The following NCK2 variants were observed in gnomAD, a reference collection of about 807,000 sequenced individuals.
The protein encoded by NCK2 is NCK adaptor protein 2, also known as cytoplasmic protein NCK2.
A neutral mutation model predicts 33.9 loss-of-function variants in NCK2; 16 were observed. That is an observed-to-expected ratio of 0.47 (90% CI 0.32 to 0.72). NCK2 has a LOEUF of 0.72. Ranked by LOEUF, NCK2 falls within the 30% of genes least tolerant of loss-of-function variation. The probability of loss-of-function intolerance (pLI) is 0.03; values close to 1 mark genes in which losing one functional copy is unlikely to be tolerated. For missense variants in NCK2, 418 were observed against 537.3 expected, an observed-to-expected ratio of 0.78 and a Z score of 2.19; for synonymous variants, 273 against 239.9, an observed-to-expected ratio of 1.14 and a Z score of -1.27.
chr2:105,889,448 A>G (rs1013115270), intron 4 of NCK2, among the ~76,000 whole-genome samples: 2 of 152,156 alleles, frequency 1.3e-5, no homozygotes, highest in Admixed American at 6.5e-5. Context: ...CTCAAACTGC[A>G]TCAGAGTCCC....
At chr2:105,796,784 G>T (rs1170054055) in intron 1 of NCK2, among the ~76,000 whole-genome samples, 2 of 151,976 alleles carry the variant, frequency 1.3e-5, no homozygotes, top group Non-Finnish European at 2.9e-5. Flanking sequence ...TCTCTTTGAC[G>T]CAGGTAAATG....
intron 4 of NCK2, among the ~76,000 whole-genome samples, chr2:105,889,589 T>TAA (rs1461543488): frequency 2.1e-5 from 3 of 145,738 alleles, no homozygotes; most frequent in Admixed American, 6.7e-5. Context: ...TTTTTTTTTT[T>TAA]TTTAATTATT....
chr2:105,815,988 C>T (rs1675466899), intron 1 of NCK2, among the ~76,000 whole-genome samples: 1 of 152,192 alleles, frequency 6.6e-6, no homozygotes, highest in South Asian at 2.1e-4. Context: ...CACCTCCTTC[C>T]ACCTGCTGTT....
chr2:105,884,097 G>C (rs373717589), intron 4 of NCK2, among the ~76,000 whole-genome samples: 2 of 152,294 alleles, frequency 1.3e-5, no homozygotes, highest in East Asian at 3.9e-4. Context: ...AGGTGTGTGT[G>C]TGGCTTCTTT....
chr2:105,889,533 T>C (rs921300539), intron 4 of NCK2, among the ~76,000 whole-genome samples: 1 of 151,834 alleles, frequency 6.6e-6, no homozygotes, highest in Admixed American at 6.6e-5. Flanking sequence ...GAATTTCTGC[T>C]ACAGCAGGGT....
intron 2 of NCK2, among the ~76,000 whole-genome samples, chr2:105,849,244 A>G (rs1016714545): frequency 2.0e-5 from 3 of 152,140 alleles, no homozygotes; most frequent in Middle Eastern, 3.2e-3. Flanking sequence ...AAAGTAAAAA[A>G]CTAGCAGGGC....
At chr2:105,807,866 C>T (rs1230938501) in intron 1 of NCK2, among the ~76,000 whole-genome samples, 1 of 83,102 alleles carries the variant, frequency 1.2e-5, no homozygotes, top group Non-Finnish European at 2.3e-5. Context: ...TCCCTTCTCT[C>T]TATCTCTCCC....
At chr2:105,832,024 C>A (rs957631298) in intron 2 of NCK2, among the ~76,000 whole-genome samples, 1 of 151,926 alleles carries the variant, frequency 6.6e-6, no homozygotes, top group Non-Finnish European at 1.5e-5. Flanking sequence ...TTGTTTATGT[C>A]CTCTTCAATT....
At chr2:105,826,457 G>A (rs530485206) in intron 2 of NCK2, among the ~76,000 whole-genome samples, 201 of 152,278 alleles carry the variant, frequency 1.3e-3, no homozygotes, top group Middle Eastern at 3.4e-3. Flanking sequence ...TAGTGTGGAT[G>A]ATATGTTAGT....
At chr2:105,748,129 T>C (rs1689347557) in intron 1 of NCK2, among the ~76,000 whole-genome samples, 2 of 152,164 alleles carry the variant, frequency 1.3e-5, no homozygotes, top group Non-Finnish European at 1.5e-5. Context: ...ATGAAAGTTA[T>C]TTTGATTGAG....
At chr2:105,765,786 G>GGGGT (rs1553451276) in intron 1 of NCK2, among the ~76,000 whole-genome samples, 7 of 147,220 alleles carry the variant, frequency 4.8e-5, no homozygotes, top group African/African-American at 1.5e-4. Flanking sequence ...TAGAATAGGG[G>GGGGT]GTGTGTGTGT....
intron 3 of NCK2, among the ~76,000 whole-genome samples, chr2:105,872,161 G>A (rs749516650): frequency 6.6e-6 from 1 of 152,194 alleles, no homozygotes; most frequent in African/African-American, 2.4e-5. Context: ...TGCTCGACAC[G>A]TTTCTGCCAG....
At chr2:105,790,980 G>A (rs995391511) in intron 1 of NCK2, among the ~76,000 whole-genome samples, 15 of 152,132 alleles carry the variant, frequency 9.9e-5, no homozygotes, top group South Asian at 2.1e-4. Flanking sequence ...AGTGCTCCTC[G>A]TGTTAGAACC....
At chr2:105,892,945 G>C in intron 4 of NCK2, 37 bp from the exon 5 acceptor site, 1 of 1,567,426 alleles carries the variant, frequency 6.4e-7, no homozygotes, top group Non-Finnish European at 8.7e-7. Flanking sequence ...GCTCCCCGCT[G>C]TGGCCCGGCT....
intron 3 of NCK2, among the ~76,000 whole-genome samples, chr2:105,867,169 T>C (rs1430720186): frequency 6.6e-6 from 1 of 152,230 alleles, no homozygotes; most frequent in Non-Finnish European, 1.5e-5. Context: ...TTTTAAATGT[T>C]CCGCTTCTCC....
chr2:105,860,874 A>T (rs1487574201), intron 3 of NCK2, among the ~76,000 whole-genome samples: 1 of 149,380 alleles, frequency 6.7e-6, no homozygotes, highest in Non-Finnish European at 1.5e-5. Flanking sequence ...GGCACACGAG[A>T]TGGGGAATTT....
rs766753457 is a variant in NCK2 at position 105,855,236 on chromosome 2, G to A, written c.173G>A (p.Arg58Gln). 11 of 1,613,254 alleles carry A rather than the reference G, an allele frequency of 6.8e-6. No homozygotes were observed. The highest frequency in any genetic ancestry group is 2.2e-5 in the South Asian group (2 of 90,872). Residue 58 changes from arginine (R) to glutamine (Q), a missense_variant, in exon 3 of 5, where the codon CGG becomes CAG. Arg to Gln is a conservative substitution (Grantham distance 43, BLOSUM62 1). Coordinates refer to ENST00000233154, the MANE Select transcript of NCK2 (RefSeq NM_003581.5). ...TGYVPSNYVE[R>Q]KNSLKKGSLV... ...TATGTACCGTCCAACTACGTGGAGC[G>A]GAAGAACAGCCTGAAGAAGGGCTCC...
Position 105,890,314 on chromosome 2 carries a change from A to C in NCK2, c.949-2668A>C, listed in dbSNP as rs200184577. On this transcript the variant is annotated intron_variant, in intron 4 of 4. Transcript: ENST00000233154. ...TTATGTAGAAAGTCATCTGTTGATC[A>C]TTTGGCTTAATTAAAATTGGGTGTA... Among the ~76,000 whole-genome samples the C allele has an allele frequency of 5.3e-5, 8 of 152,312 alleles. No individual in the cohort carries two copies. The East Asian group carries it at 1.5e-3, about 29-fold the overall frequency.
At chr2:105,783,381 G>T (rs1235315331) in intron 1 of NCK2, among the ~76,000 whole-genome samples, 1 of 152,136 alleles carries the variant, frequency 6.6e-6, no homozygotes, top group East Asian at 1.9e-4. Context: ...GCATTAAATT[G>T]TGCCCGTGTT....
Sources: allele counts gnomAD v4.1 joint callset (sites outside exome capture counted in the v4.1 genomes callset), GRCh38; gene constraint gnomAD v4.1.1; transcripts MANE v1.5; gene names NCBI Gene and HGNC (gene_info 2026-07-23, HGNC 2026-07-21).